Variants in GLI2 observed in about 807,000 individuals in gnomAD.
GLI2 encodes the protein transcription activator GLI2.
In GLI2, 22 loss-of-function variants were observed where a neutral mutation model predicts 78.9. The ratio of observed to expected loss-of-function variants is 0.28; its 90% CI spans 0.20 to 0.40. The LOEUF (loss-of-function observed/expected upper bound fraction) is 0.40, where lower values mean the gene tolerates loss of function less well. GLI2 is among the 10% of genes least tolerant of loss of function. The pLI, the probability that GLI2 is intolerant of heterozygous loss-of-function variation, is 1.00. For missense variants in GLI2, 2,097 were observed against 2,213.2 expected (o/e 0.95, Z 1.05); for synonymous variants, 974 against 963.7 (o/e 1.01, Z -0.20).
intron 5 of GLI2, among the ~76,000 whole-genome samples, chr2:120,966,654 G>T (rs1458123808): frequency 6.6e-6 from 1 of 152,240 alleles, no homozygotes; most frequent in Non-Finnish European, 1.5e-5. Context: ...TCTCCTCAGG[G>T]TTGCAGCCAA....
chr2:120,978,642 G>T (rs965507015), intron 10 of GLI2, 59 bp downstream of exon 10: 6 of 1,573,468 alleles, frequency 3.8e-6, no homozygotes, highest in Non-Finnish European at 4.3e-6. Context: ...CAGCCAGGCC[G>T]GGGGGATCAT....
chr2:120,963,328 T>C (rs1681675168), intron 5 of GLI2, among the ~76,000 whole-genome samples: 1 of 152,230 alleles, frequency 6.6e-6, no homozygotes. Context: ...GCCCTGATTG[T>C]ACAGATGGGG....
chr2:120,900,076 T>G (rs1678178644), intron 2 of GLI2, among the ~76,000 whole-genome samples: 1 of 152,164 alleles, frequency 6.6e-6, no homozygotes, highest in African/African-American at 2.4e-5. Flanking sequence ...GAAAGTTTGC[T>G]TTACTTTGAG....
intron 2 of GLI2, among the ~76,000 whole-genome samples, chr2:120,879,132 C>A (rs1238904471): frequency 1.3e-5 from 2 of 152,154 alleles, no homozygotes; most frequent in African/African-American, 4.8e-5. Flanking sequence ...ATCTCGGTTG[C>A]GGATCAGTTT....
intron 2 of GLI2, among the ~76,000 whole-genome samples, chr2:120,895,268 G>GT (rs1677888653): frequency 6.6e-6 from 1 of 152,250 alleles, no homozygotes; most frequent in African/African-American, 2.4e-5. Flanking sequence ...GAACTTGGCT[G>GT]TAAGTATGGA....
At chr2:120,927,962 GGT>G (rs1365288112) in intron 3 of GLI2, among the ~76,000 whole-genome samples, 4 of 152,186 alleles carry the variant, frequency 2.6e-5, no homozygotes, top group Non-Finnish European at 5.9e-5. Flanking sequence ...GAAGTCCCCA[GGT>G]AGAAGGTGTG....
At chr2:120,933,656 G>A (rs1680049773) in intron 3 of GLI2, among the ~76,000 whole-genome samples, 4 of 152,206 alleles carry the variant, frequency 2.6e-5, no homozygotes, top group Admixed American at 6.5e-5. Flanking sequence ...GAGGTGTGGC[G>A]AGGAAGGGTC....
At chr2:120,973,770 G>C (rs546410432) in intron 8 of GLI2, among the ~76,000 whole-genome samples, 4 of 152,174 alleles carry the variant, frequency 2.6e-5, no homozygotes, top group Non-Finnish European at 5.9e-5. Context: ...AAGTGGATTC[G>C]TTGAAAGGTC....
chr2:120,833,376 T>C (rs1686458870), intron 2 of GLI2, among the ~76,000 whole-genome samples: 1 of 152,074 alleles, frequency 6.6e-6, no homozygotes, highest in African/African-American at 2.4e-5. Context: ...GGGTCTGCAA[T>C]GGGTCCAGAA....
At chr2:120,916,536 C>T (rs146875866) in intron 2 of GLI2, among the ~76,000 whole-genome samples, 63 of 152,382 alleles carry the variant, frequency 4.1e-4, no homozygotes, top group African/African-American at 1.4e-3. Context: ...GCGTGGGCCT[C>T]GCTGAATCCC....
At chr2:120,773,911 T>G in intron 1 of GLI2, among the ~76,000 whole-genome samples, 1 of 108,758 alleles carries the variant, frequency 9.2e-6, no homozygotes, top group East Asian at 3.1e-4. Context: ...CCCTCCTTCC[T>G]TCCTTCCTTC....
chr2:120,964,171 A>G (rs955880370), intron 5 of GLI2, among the ~76,000 whole-genome samples: 3 of 152,130 alleles, frequency 2.0e-5, no homozygotes, highest in Non-Finnish European at 2.9e-5. Flanking sequence ...GATCTGCCCA[A>G]CTCCAGGAGG....
At chr2:120,966,093 CT>C (rs142306079) in intron 5 of GLI2, among the ~76,000 whole-genome samples, 1 of 151,634 alleles carries the variant, frequency 6.6e-6, no homozygotes, top group African/African-American at 2.4e-5. Context: ...ATTAACTCCA[CT>C]TTTTTTTTCA....
chr2:120,951,414 C>A lies in GLI2; in HGVS notation c.426C>A (p.Ile142=). ...ACAGCAGCCCCACGCTCTCCATGAT[C>A]TCTGCAGCCAGGGGCCTCAGCCCCG... ...SVHSSPTLSM[I]SAARGLSPAD... The change falls in exon 4 of 14, where the codon ATC becomes ATA. Residue 142 remains isoleucine, a synonymous_variant. Coordinates refer to ENST00000361492, the MANE Select transcript of GLI2 (RefSeq NM_001374353.1). 2 of 1,613,342 alleles carry A rather than the reference C, an allele frequency of 1.2e-6. No individual in the cohort carries two copies. The highest frequency in any genetic ancestry group is 1.7e-6 in the Non-Finnish European group (2 of 1,179,460).
rs546420216 is a variant in GLI2 at position 120,990,997 on chromosome 2, G to A, written c.*322G>A. ...TCTTCACGGCTGACATTCGGCTAACGAGGGATTACTTTGGCCAAAACCTTT... is the reference window on the plus strand; with the variant it reads ...TCTTCACGGCTGACATTCGGCTAACAAGGGATTACTTTGGCCAAAACCTTT... On this transcript the variant is annotated 3_prime_UTR_variant, in exon 14 of 14. Coordinates refer to ENST00000361492, the MANE Select transcript of GLI2 (RefSeq NM_001374353.1). 82 of 317,820 alleles carry A rather than the reference G, an allele frequency of 2.6e-4. No homozygotes were observed. The highest frequency in any genetic ancestry group is 1.6e-3 in the African/African-American group (78 of 47,894). The allele number at this position is 317,820 out of a possible 1,614,324, so 19.7% of individuals were successfully genotyped here.
chr2:120,967,721 A>G (rs1419563882), intron 5 of GLI2, among the ~76,000 whole-genome samples: 1 of 152,204 alleles, frequency 6.6e-6, no homozygotes, highest in African/African-American at 2.4e-5. Flanking sequence ...TGATGTGTGC[A>G]CCTGCGTACA....
chr2:120,934,099 T>C (rs900012562), intron 3 of GLI2, among the ~76,000 whole-genome samples: 3 of 152,266 alleles, frequency 2.0e-5, no homozygotes, highest in South Asian at 2.1e-4. Context: ...CAGGCGCCCA[T>C]AGGCCAGAGT....
Position 120,768,828 on chromosome 2 carries a change from T to TGC in GLI2, c.-30-28461_-30-28460dup, listed in dbSNP as rs1553446330. 5.6e-4 allele frequency among the ~76,000 whole-genome samples: 85 copies of TGC among 150,524 alleles called. 1 individual carries two copies. Among genetic ancestry groups the TGC allele is most frequent in the Admixed American group, 1.2e-3 (18 of 15,178 alleles). Reference sequence around the variant, plus strand: ...GTGTGTGTGTGTGTGTGTGTGTGTGTGCGTGTGTGTGCACCCTGCCCCACT... The same window carrying TGC: ...GTGTGTGTGTGTGTGTGTGTGTGTGTGCGCGTGTGTGTGCACCCTGCCCCACT... On this transcript the variant is annotated intron_variant, in intron 1 of 13. Transcript: ENST00000361492.
Position 120,877,507 on chromosome 2 carries a change from T to C in GLI2, c.149-49854T>C, listed in dbSNP as rs969774477. On this transcript the variant is annotated intron_variant, in intron 2 of 13. Transcript: ENST00000361492. ...CCATGACCATGAGCCGAAGCCCCCC[T>C]GTGCCCACTCCCAGTCACTAGCCAC... Among the ~76,000 whole-genome samples the C allele has an allele frequency of 2.6e-4, 40 of 152,144 alleles. 1 individual carries two copies. Among genetic ancestry groups the C allele is most frequent in the Non-Finnish European group, 7.4e-5 (5 of 68,026 alleles).
Sources: gnomAD v4.1 joint callset for allele counts (sites outside exome capture counted in the v4.1 genomes callset) on GRCh38, gnomAD v4.1.1 for gene constraint, MANE v1.5 for transcripts, NCBI Gene and HGNC (gene_info 2026-07-23, HGNC 2026-07-21) for gene names.